Variants in SMIM10L3 observed in about 807,000 individuals in gnomAD.
SMIM10L3 encodes the protein salivary gland specific protein SAGSIN1.
the SMIM10L3 span, among the ~76,000 whole-genome samples, chr7:6,337,050 A>G: frequency 1.3e-5 from 2 of 151,856 alleles, no homozygotes; most frequent in Non-Finnish European, 2.9e-5. Context: ...ATTTCAATAT[A>G]TGTTGAAATA....
chr7:6,331,738 CT>C, the SMIM10L3 span, among the ~76,000 whole-genome samples: 3,481 of 117,654 alleles, frequency 0.03, 70 homozygotes, highest in African/African-American at 0.086. Context: ...ATAATAGAGG[CT>C]TTTTTTTTTT....
At chr7:6,341,242 A>G in the SMIM10L3 span, among the ~76,000 whole-genome samples, 1 of 151,320 alleles carries the variant, frequency 6.6e-6, no homozygotes, top group Non-Finnish European at 1.5e-5. Flanking sequence ...CAGGAGATTG[A>G]GACCATCCTG....
the SMIM10L3 span, among the ~76,000 whole-genome samples, chr7:6,345,469 G>A: frequency 3.3e-5 from 5 of 152,078 alleles, no homozygotes; most frequent in Non-Finnish European, 5.9e-5. Context: ...GGAGATGGCA[G>A]ATACTACAAT....
the SMIM10L3 span, among the ~76,000 whole-genome samples, chr7:6,336,901 A>G: frequency 7.3e-5 from 11 of 151,494 alleles, no homozygotes; most frequent in Non-Finnish European, 1.5e-4. Context: ...TGATCCGCCC[A>G]CCTCAGCCTC....
the SMIM10L3 span, chr7:6,330,847 G>T: frequency 2.5e-6 from 4 of 1,614,198 alleles, no homozygotes; most frequent in African/African-American, 1.3e-5. Context: ...CAAACCCACG[G>T]CTGTGCTCGG....
chr7:6,347,079 T>C, the SMIM10L3 span, among the ~76,000 whole-genome samples: 2 of 152,094 alleles, frequency 1.3e-5, no homozygotes, highest in Admixed American at 6.6e-5. Flanking sequence ...GTAATCCTAG[T>C]GCTTTGGGAG....
chr7:6,343,157 C>T, the SMIM10L3 span, among the ~76,000 whole-genome samples: 3 of 151,188 alleles, frequency 2.0e-5, no homozygotes, highest in East Asian at 5.8e-4. Context: ...AGGGTGGATC[C>T]CCTGAGGTCA....
chr7:6,331,640 A>C, the SMIM10L3 span, among the ~76,000 whole-genome samples: 2 of 151,952 alleles, frequency 1.3e-5, no homozygotes, highest in Non-Finnish European at 2.9e-5. Context: ...TTGGCCTCCC[A>C]AAGTACTGGG....
At chr7:6,333,182 CA>C in the SMIM10L3 span, among the ~76,000 whole-genome samples, 1 of 140,064 alleles carries the variant, frequency 7.1e-6, no homozygotes, top group Non-Finnish European at 1.6e-5. Flanking sequence ...AAAAAAAAAA[CA>C]AAAAACAAAA....
chr7:6,344,535 C>G, the SMIM10L3 span, among the ~76,000 whole-genome samples: 1 of 152,084 alleles, frequency 6.6e-6, no homozygotes, highest in African/African-American at 2.4e-5. Flanking sequence ...TGATCCACCT[C>G]AGTCTCCCAA....
At chr7:6,330,791 C>T in the SMIM10L3 span, 2 of 1,614,064 alleles carry the variant, frequency 1.2e-6, no homozygotes, top group Non-Finnish European at 1.7e-6. Flanking sequence ...AGAGCTTCAA[C>T]ACCACTGCAG....
chr7:6,347,865 G>A, the SMIM10L3 span, among the ~76,000 whole-genome samples: 1 of 146,950 alleles, frequency 6.8e-6, no homozygotes, highest in Admixed American at 6.9e-5. Flanking sequence ...ACCAGCCTGG[G>A]CAACATAACG....
the SMIM10L3 span, among the ~76,000 whole-genome samples, chr7:6,331,796 A>C: frequency 6.9e-6 from 1 of 144,088 alleles, no homozygotes; most frequent in Non-Finnish European, 1.5e-5. Context: ...GCTGGAGTGC[A>C]ATGGCACGAT....
At chr7:6,345,450 T>C in the SMIM10L3 span, among the ~76,000 whole-genome samples, 2 of 152,038 alleles carry the variant, frequency 1.3e-5, no homozygotes, top group Admixed American at 6.6e-5. Context: ...TTGCCTCTGA[T>C]TGCTTGGTGG....
chr7:6,340,351 C>A, the SMIM10L3 span, among the ~76,000 whole-genome samples: 26 of 152,152 alleles, frequency 1.7e-4, no homozygotes, highest in African/African-American at 6.0e-4. Context: ...GGACAAAACG[C>A]TGCTGAGAGG....
chr7:6,335,543 G>A, the SMIM10L3 span, among the ~76,000 whole-genome samples: 1 of 150,468 alleles, frequency 6.6e-6, no homozygotes, highest in African/African-American at 2.5e-5. Context: ...GTTAATATGT[G>A]AGAAAATATT....
chr7:6,336,189 T>A, the SMIM10L3 span, among the ~76,000 whole-genome samples: 4 of 122,754 alleles, frequency 3.3e-5, no homozygotes, highest in East Asian at 2.3e-4. Flanking sequence ...AAAAAAAAAA[T>A]TAAAAGATTA....
At chr7:6,333,840 CTTTTTT>C in the SMIM10L3 span, among the ~76,000 whole-genome samples, 3 of 96,832 alleles carry the variant, frequency 3.1e-5, no homozygotes, top group East Asian at 6.6e-4. Context: ...CTCCTGGCCT[CTTTTTT>C]TTTTTTTTTT....
At chr7:6,344,669 T>C in the SMIM10L3 span, among the ~76,000 whole-genome samples, 8 of 152,134 alleles carry the variant, frequency 5.3e-5, no homozygotes, top group Non-Finnish European at 7.4e-5. Context: ...TCCTCCCACC[T>C]TGGACTCCCA....
Sources: allele counts gnomAD v4.1 joint callset (sites outside exome capture counted in the v4.1 genomes callset), GRCh38; gene constraint gnomAD v4.1.1; transcripts MANE v1.5; gene names NCBI Gene and HGNC (gene_info 2026-07-23, HGNC 2026-07-21).